The following LUZP2 variants were observed in gnomAD, a reference collection of about 807,000 sequenced individuals.
LUZP2 encodes the protein leucine zipper protein 2.
Under a neutral mutation model 51.6 loss-of-function variants are expected in LUZP2, and 52 were observed. That is an observed-to-expected ratio of 1.01 (90% CI 0.81 to 1.27). The LOEUF (loss-of-function observed/expected upper bound fraction) is 1.27. Ranked by LOEUF, LUZP2 falls within the 50% of genes most tolerant of loss-of-function variation. The pLI is 0.00. For synonymous variants in LUZP2, 154 were observed against 137.3 expected, an observed-to-expected ratio of 1.12 and a Z score of -0.85; for missense variants, 436 against 395.4, an observed-to-expected ratio of 1.10 and a Z score of -0.87.
chr11:24,850,334 C>G (rs1851351491), intron 5 of LUZP2, among the ~76,000 whole-genome samples: 1 of 152,272 alleles, frequency 6.6e-6, no homozygotes, highest in East Asian at 1.9e-4. Context: ...TTTCAGTTTT[C>G]TGCATATGGC....
At chr11:24,876,197 C>T (rs1190564784) in intron 5 of LUZP2, among the ~76,000 whole-genome samples, 1 of 148,032 alleles carries the variant, frequency 6.8e-6, no homozygotes, top group East Asian at 2.0e-4. Context: ...AATGGTAATG[C>T]CTAGGTTTTC....
At chr11:24,659,863 T>G (rs1855957651) in intron 1 of LUZP2, among the ~76,000 whole-genome samples, 1 of 152,148 alleles carries the variant, frequency 6.6e-6, no homozygotes, top group Admixed American at 6.6e-5. Flanking sequence ...ATGAGCAGAA[T>G]CTATGAAATA....
intron 5 of LUZP2, chr11:24,891,454 A>C (rs1443745512): frequency 1.1e-6 from 1 of 950,280 alleles, no homozygotes; most frequent in Non-Finnish European, 1.3e-6. Context: ...TTGGTTCCTA[A>C]TAAGGGAAGA....
At chr11:24,898,187 C>A (rs1853146045) in intron 5 of LUZP2, among the ~76,000 whole-genome samples, 1 of 151,662 alleles carries the variant, frequency 6.6e-6, no homozygotes, top group South Asian at 2.1e-4. Context: ...AACGTAAGAA[C>A]TTACATAAAT....
At chr11:24,754,898 C>T (rs1859715266) in intron 4 of LUZP2, among the ~76,000 whole-genome samples, 1 of 152,188 alleles carries the variant, frequency 6.6e-6, no homozygotes, top group African/African-American at 2.4e-5. Flanking sequence ...GTAATCCCAG[C>T]ATTTTGCGGG....
intron 5 of LUZP2, among the ~76,000 whole-genome samples, chr11:24,815,597 C>T (rs946114756): frequency 8.5e-5 from 13 of 152,134 alleles, no homozygotes; most frequent in African/African-American, 3.1e-4. Flanking sequence ...CTTTTTCCTG[C>T]CCAGCCTTTA....
intron 1 of LUZP2, among the ~76,000 whole-genome samples, chr11:24,602,318 A>ATATG (rs1490016412): frequency 3.7e-3 from 501 of 137,230 alleles, no homozygotes; most frequent in Non-Finnish European, 4.1e-3. Context: ...ACACACATAT[A>ATATG]TACACACACA....
At chr11:24,756,616 C>A (rs541318164) in intron 4 of LUZP2, among the ~76,000 whole-genome samples, 3 of 152,240 alleles carry the variant, frequency 2.0e-5, no homozygotes, top group East Asian at 3.9e-4. Context: ...TCCCTTGACA[C>A]AAATTGTTTT....
chr11:24,845,102 G>A (rs1029344109), intron 5 of LUZP2, among the ~76,000 whole-genome samples: 2 of 152,158 alleles, frequency 1.3e-5, no homozygotes, highest in Non-Finnish European at 2.9e-5. Flanking sequence ...CTTGCACCAT[G>A]CATCTGGAAA....
intron 5 of LUZP2, among the ~76,000 whole-genome samples, chr11:24,905,177 T>C (rs1231455103): frequency 6.6e-6 from 1 of 152,084 alleles, no homozygotes; most frequent in African/African-American, 2.4e-5. Flanking sequence ...TAGGGTACTT[T>C]AATACCCCAC....
intron 4 of LUZP2, among the ~76,000 whole-genome samples, chr11:24,746,740 T>A (rs1279808590): frequency 6.6e-6 from 1 of 152,192 alleles, no homozygotes; most frequent in Admixed American, 6.5e-5. Flanking sequence ...GAGGCTTAGT[T>A]CATATTTTCT....
intron 1 of LUZP2, among the ~76,000 whole-genome samples, chr11:24,706,527 C>T (rs896257249): frequency 3.9e-5 from 6 of 152,076 alleles, no homozygotes; most frequent in African/African-American, 1.4e-4. Context: ...CATTCTCTTC[C>T]TGTGCGGCCT....
At chr11:24,927,742 A>T (rs1293884238) in intron 7 of LUZP2, among the ~76,000 whole-genome samples, 1 of 151,862 alleles carries the variant, frequency 6.6e-6, no homozygotes, top group African/African-American at 2.4e-5. Flanking sequence ...GTTCCATATA[A>T]ATTTTAGAAA....
intron 9 of LUZP2, among the ~76,000 whole-genome samples, chr11:24,999,602 G>A (rs748154724): frequency 9.2e-4 from 126 of 137,044 alleles, no homozygotes; most frequent in Non-Finnish European, 1.7e-3. Flanking sequence ...CCTTGACCTC[G>A]TGATCTGCCC....
At chr11:25,013,891 C>T (rs1022019349) in intron 9 of LUZP2, among the ~76,000 whole-genome samples, 1 of 151,896 alleles carries the variant, frequency 6.6e-6, no homozygotes, top group African/African-American at 2.4e-5. Flanking sequence ...TAATGCTATC[C>T]CTCCCCTGTC....
At chr11:24,535,476 T>A (rs1388933142) in intron 1 of LUZP2, among the ~76,000 whole-genome samples, 2 of 151,632 alleles carry the variant, frequency 1.3e-5, no homozygotes, top group African/African-American at 4.8e-5. Context: ...TCCTTTGCCA[T>A]CATCTCAGCA....
chr11:24,941,391 A>G (rs1854741247), intron 7 of LUZP2, among the ~76,000 whole-genome samples: 3 of 152,154 alleles, frequency 2.0e-5, no homozygotes, highest in Admixed American at 1.3e-4. Context: ...CACAAACTTT[A>G]AATACGCAAA....
At chr11:24,952,539 A>G (rs1855105887) in intron 7 of LUZP2, among the ~76,000 whole-genome samples, 1 of 151,830 alleles carries the variant, frequency 6.6e-6, no homozygotes, top group Admixed American at 6.6e-5. Context: ...CTAAGAGTCT[A>G]GAGTGAACCT....
At chr11:24,666,737 A>C (rs2133993318) in intron 1 of LUZP2, among the ~76,000 whole-genome samples, 1 of 152,318 alleles carries the variant, frequency 6.6e-6, no homozygotes, top group African/African-American at 2.4e-5. Flanking sequence ...AGAGTTCATT[A>C]TTAAAAGAAG....
Sources: allele counts gnomAD v4.1 joint callset (sites outside exome capture counted in the v4.1 genomes callset), GRCh38; gene constraint gnomAD v4.1.1; transcripts MANE v1.5; gene names NCBI Gene and HGNC (gene_info 2026-07-23, HGNC 2026-07-21).